Variants in MYO1D observed in about 807,000 individuals in gnomAD.
The protein encoded by MYO1D is unconventional myosin-Id.
Under a neutral mutation model 122.0 loss-of-function variants are expected in MYO1D, and 83 were observed. The observed-to-expected ratio is 0.68, with a 90% confidence interval of 0.57 to 0.82. The LOEUF (loss-of-function observed/expected upper bound fraction) is 0.82, where lower values mean the gene tolerates loss of function less well. Ranked by LOEUF, MYO1D falls within the 40% of genes least tolerant of loss-of-function variation. The probability of loss-of-function intolerance (pLI) is 0.00; values close to 1 mark genes in which losing one functional copy is unlikely to be tolerated. For synonymous variants in MYO1D, 464 were observed against 446.9 expected, an observed-to-expected ratio of 1.04 and a Z score of -0.48; for missense variants, 1,157 against 1,269.5, an observed-to-expected ratio of 0.91 and a Z score of 1.35.
At chr17:32,708,542 T>G (rs1189783234) in intron 16 of MYO1D, among the ~76,000 whole-genome samples, 1 of 152,210 alleles carries the variant, frequency 6.6e-6, no homozygotes, top group Middle Eastern at 3.2e-3. Flanking sequence ...TAAATTTCTA[T>G]AAGGATACAG....
chr17:32,780,776 T>C lies in MYO1D; in HGVS notation c.104A>G (p.Lys35Arg), dbSNP rs746948634. The change falls in exon 2 of 22, where the codon AAA (lysine) becomes AGA (arginine). Residue 35 changes from lysine to arginine, a missense_variant. By Grantham distance (26) the Lys-to-Arg change is conservative. Transcript: ENST00000318217. ...TCCAATGAACGTATAGATGCGCCCT[T>C]TTTCAAATCTGTACAGAAGCAAAAG... ...FMANLRLRFE[K>R]GRIYTFIGEV... is the part of the protein sequence containing the mutation. 6.2e-7 allele frequency: 1 copy of C among 1,614,124 alleles called. No homozygotes were observed. Among genetic ancestry groups the C allele is most frequent in the South Asian group, 1.1e-5 (1 of 91,078 alleles).
chr17:32,765,728 G>A (rs1598079754), intron 7 of MYO1D, among the ~76,000 whole-genome samples: 1 of 152,126 alleles, frequency 6.6e-6, no homozygotes, highest in East Asian at 1.9e-4. Context: ...AAAGTGCTGG[G>A]ATTACAGGCG....
chr17:32,644,794 G>A (rs1306488558), intron 19 of MYO1D, among the ~76,000 whole-genome samples: 1 of 151,718 alleles, frequency 6.6e-6, no homozygotes, highest in Non-Finnish European at 1.5e-5. Context: ...CCTTTATTTT[G>A]AGCCTGTGTG....
Position 32,780,711 on chromosome 17 carries a change from T to C in MYO1D, c.169A>G (p.Ile57Val), listed in dbSNP as rs2090227466. ...TGCTCAATTGTGTCTCTTCCATAGA[T>C]GTTCAACAACTTGTAAGGGTTCACA... ...VSVNPYKLLN[I>V]YGRDTIEQYK... is the part of the protein sequence containing the mutation. The change falls in exon 2 of 22, where the codon ATC becomes GTC. Residue 57 changes from isoleucine (I) to valine (V), a missense_variant. Physicochemically the swap from Ile to Val is conservative, Grantham distance 29. Transcript: ENST00000318217. 2 of 1,614,176 alleles carry C rather than the reference T, an allele frequency of 1.2e-6. No individual in the cohort carries two copies. The highest frequency in any genetic ancestry group is 1.7e-6 in the Non-Finnish European group (2 of 1,180,028).
intron 11 of MYO1D, among the ~76,000 whole-genome samples, chr17:32,753,901 G>GA (rs201189942): frequency 2.3e-3 from 195 of 86,030 alleles, no homozygotes; most frequent in Admixed American, 5.0e-3. Flanking sequence ...CATCTCAAAA[G>GA]AAAAAAAAAA....
intron 1 of MYO1D, among the ~76,000 whole-genome samples, chr17:32,791,429 T>C (rs1193461564): frequency 6.7e-6 from 1 of 150,056 alleles, no homozygotes; most frequent in African/African-American, 2.5e-5. Flanking sequence ...ACATCAGCTA[T>C]GAATTAGAAA....
intron 21 of MYO1D, among the ~76,000 whole-genome samples, chr17:32,558,457 C>T (rs1426138281): frequency 6.6e-6 from 1 of 152,218 alleles, no homozygotes; most frequent in Admixed American, 6.5e-5. Flanking sequence ...ATCAGTAATG[C>T]ACTGCTATCA....
intron 21 of MYO1D, among the ~76,000 whole-genome samples, chr17:32,586,096 G>A (rs2087385097): frequency 6.6e-6 from 1 of 152,130 alleles, no homozygotes; most frequent in Admixed American, 6.5e-5. Context: ...TTTCCCCATT[G>A]AACAGAGAAG....
intron 1 of MYO1D, among the ~76,000 whole-genome samples, chr17:32,818,899 T>A (rs1451444991): frequency 6.6e-6 from 1 of 152,244 alleles, no homozygotes; most frequent in Admixed American, 6.5e-5. Context: ...CCTCATTTTC[T>A]GCTTAAAAAC....
intron 1 of MYO1D, among the ~76,000 whole-genome samples, chr17:32,840,376 A>T (rs937284512): frequency 1.4e-5 from 2 of 146,982 alleles, no homozygotes; most frequent in Admixed American, 6.8e-5. Context: ...TACAAGTATG[A>T]CCTCTCAGAA....
At chr17:32,525,001 C>A (rs142005750) in intron 21 of MYO1D, among the ~76,000 whole-genome samples, 2 of 152,228 alleles carry the variant, frequency 1.3e-5, no homozygotes, top group Non-Finnish European at 2.9e-5. Flanking sequence ...CCACACCTAG[C>A]CTACATCTCG....
At chr17:32,703,184 A>G (rs1256235406) in intron 16 of MYO1D, among the ~76,000 whole-genome samples, 1 of 152,170 alleles carries the variant, frequency 6.6e-6, no homozygotes, top group African/African-American at 2.4e-5. Flanking sequence ...TGGTCCAACT[A>G]TGTGACACAG....
At chr17:32,531,025 C>A (rs1459068382) in intron 21 of MYO1D, among the ~76,000 whole-genome samples, 1 of 152,168 alleles carries the variant, frequency 6.6e-6, no homozygotes, top group Non-Finnish European at 1.5e-5. Context: ...TCCTCCCTCA[C>A]TGCAACCCAG....
chr17:32,598,324 A>C (rs1029870541), intron 21 of MYO1D, among the ~76,000 whole-genome samples: 1 of 152,168 alleles, frequency 6.6e-6, no homozygotes, highest in Non-Finnish European at 1.5e-5. Context: ...CAGTGAGCCA[A>C]GATTGCACCA....
At chr17:32,706,809 G>A (rs1458475640) in intron 16 of MYO1D, among the ~76,000 whole-genome samples, 1 of 151,946 alleles carries the variant, frequency 6.6e-6, no homozygotes, top group Non-Finnish European at 1.5e-5. Flanking sequence ...CCATTCTCCT[G>A]TTTCAGCCTC....
At chr17:32,812,913 C>T (rs1482391152) in intron 1 of MYO1D, among the ~76,000 whole-genome samples, 2 of 152,200 alleles carry the variant, frequency 1.3e-5, no homozygotes, top group Non-Finnish European at 2.9e-5. Flanking sequence ...TCACAATCAC[C>T]TTAACCATAA....
intron 21 of MYO1D, among the ~76,000 whole-genome samples, chr17:32,572,031 C>T (rs1225735496): frequency 6.6e-6 from 1 of 152,142 alleles, no homozygotes; most frequent in Non-Finnish European, 1.5e-5. Flanking sequence ...CCTTTTACAA[C>T]AGACCTAGGT....
chr17:32,689,781 C>T (rs1272328924), intron 16 of MYO1D, among the ~76,000 whole-genome samples: 5 of 151,758 alleles, frequency 3.3e-5, no homozygotes, highest in East Asian at 3.9e-4. Flanking sequence ...TGCAGCAGCA[C>T]GATCTCAGCT....
At chr17:32,643,960 T>G (rs1439250469) in intron 19 of MYO1D, among the ~76,000 whole-genome samples, 1 of 152,216 alleles carries the variant, frequency 6.6e-6, no homozygotes, top group African/African-American at 2.4e-5. Flanking sequence ...TCTGCTAGCT[T>G]TTGAATATGT....
Sources: allele counts gnomAD v4.1 joint callset (sites outside exome capture counted in the v4.1 genomes callset), GRCh38; gene constraint gnomAD v4.1.1; transcripts MANE v1.5; gene names NCBI Gene and HGNC (gene_info 2026-07-23, HGNC 2026-07-21).